Variants in SLC16A12 observed in about 807,000 individuals in gnomAD.
The protein encoded by SLC16A12 is solute carrier family 16 member 12, also known as monocarboxylate transporter 12.
Under a neutral mutation model 42.4 loss-of-function variants are expected in SLC16A12, and 17 were observed. The ratio of observed to expected loss-of-function variants is 0.40; its 90% confidence interval spans 0.27 to 0.60. The LOEUF (loss-of-function observed/expected upper bound fraction) is 0.60. Ranked by LOEUF, SLC16A12 falls within the 20% of genes least tolerant of loss-of-function variation. SLC16A12 has a pLI of 0.42. For synonymous variants in SLC16A12, 224 were observed against 229.4 expected (o/e 0.98, Z 0.21); for missense variants, 544 against 623.0 (o/e 0.87, Z 1.35).
chr10:89,512,006 A>G (rs1225067814), intron 2 of SLC16A12, among the ~76,000 whole-genome samples: 1 of 152,234 alleles, frequency 6.6e-6, no homozygotes, highest in Non-Finnish European at 1.5e-5. Context: ...ATACTACACA[A>G]TAAATGAAGC....
chr10:89,534,669 AAATCC>A (rs1843621413), intron 1 of SLC16A12, 29 bp from the exon 2 acceptor site: 2 of 148,068 alleles, frequency 1.4e-5, no homozygotes, highest in African/African-American at 2.5e-5. Flanking sequence ...AAAAAAAAAA[AAATCC>A]AAAAATTAGC....
chr10:89,462,758 C>A (rs960914366), intron 2 of SLC16A12, 134 bp from the exon 3 acceptor site: 2 of 1,001,828 alleles, frequency 2.0e-6, no homozygotes, highest in Non-Finnish European at 2.8e-6. Context: ...TAGACTGGGG[C>A]AGACTATTTG....
At chr10:89,484,969 A>G (rs1842724511) in intron 2 of SLC16A12, among the ~76,000 whole-genome samples, 1 of 152,182 alleles carries the variant, frequency 6.6e-6, no homozygotes, top group South Asian at 2.1e-4. Context: ...CAAAGACCGA[A>G]TCAAATTCTG....
At chr10:89,453,438 A>G (rs1842127700) in intron 3 of SLC16A12, among the ~76,000 whole-genome samples, 1 of 152,246 alleles carries the variant, frequency 6.6e-6, no homozygotes, top group Non-Finnish European at 1.5e-5. Context: ...ATTTTGATCA[A>G]CAATAGACTA....
At chr10:89,480,371 CT>C (rs1842645088) in intron 2 of SLC16A12, among the ~76,000 whole-genome samples, 9 of 152,280 alleles carry the variant, frequency 5.9e-5, no homozygotes, top group Admixed American at 5.9e-4. Flanking sequence ...TGAATATTTC[CT>C]TTTAAAGGGG....
chr10:89,525,448 A>G (rs1015216049), intron 2 of SLC16A12, among the ~76,000 whole-genome samples: 4 of 152,154 alleles, frequency 2.6e-5, no homozygotes, highest in African/African-American at 7.2e-5. Flanking sequence ...TCTAAATTTG[A>G]TCTTTTTTTG....
At chr10:89,441,921 G>T (rs1225848268) in intron 4 of SLC16A12, among the ~76,000 whole-genome samples, 1 of 152,208 alleles carries the variant, frequency 6.6e-6, no homozygotes, top group East Asian at 1.9e-4. Flanking sequence ...TGGAACTGAA[G>T]TTCAGGGGTA....
chr10:89,487,322 A>G (rs12262765), intron 2 of SLC16A12, among the ~76,000 whole-genome samples: 10,774 of 152,210 alleles, frequency 0.071, 994 homozygotes, highest in African/African-American at 0.21. Context: ...AATGGCTATT[A>G]CTAAAAAGTC....
upstream of SLC16A12, among the ~76,000 whole-genome samples, chr10:89,540,397 C>T (rs990026914): frequency 6.6e-6 from 1 of 152,180 alleles, no homozygotes; most frequent in Non-Finnish European, 1.5e-5. Context: ...CCATGCCCAG[C>T]CTAGAGTCCA....
chr10:89,439,694 A>G (rs975996669), intron 5 of SLC16A12, among the ~76,000 whole-genome samples: 3 of 152,178 alleles, frequency 2.0e-5, no homozygotes, highest in Non-Finnish European at 4.4e-5. Context: ...ATATGTGAAC[A>G]TAGCAATGTA....
chr10:89,477,522 C>A (rs1413080831), intron 2 of SLC16A12, among the ~76,000 whole-genome samples: 4 of 145,900 alleles, frequency 2.7e-5, no homozygotes, highest in Non-Finnish European at 5.9e-5. Flanking sequence ...CGAGATTGTG[C>A]CATTGCACTT....
At chr10:89,521,686 G>GA (rs1214991398) in intron 2 of SLC16A12, among the ~76,000 whole-genome samples, 2 of 152,130 alleles carry the variant, frequency 1.3e-5, no homozygotes, top group Non-Finnish European at 2.9e-5. Flanking sequence ...ACATTACAAG[G>GA]AAAAATGAAA....
intron 2 of SLC16A12, among the ~76,000 whole-genome samples, chr10:89,543,015 G>C (rs1225035565): frequency 6.6e-6 from 1 of 152,060 alleles, no homozygotes; most frequent in Non-Finnish European, 1.5e-5. Flanking sequence ...CTTCCTTTCT[G>C]TCTTCTGCCT....
chr10:89,510,027 C>G (rs1184144028), intron 2 of SLC16A12, among the ~76,000 whole-genome samples: 1 of 152,146 alleles, frequency 6.6e-6, no homozygotes, highest in Non-Finnish European at 1.5e-5. Context: ...ATCCAACTAA[C>G]AAGGGGTGTG....
chr10:89,430,610 T>C lies in SLC16A12; in HGVS notation c.*2454A>G, dbSNP rs1394291213. The stretch of plus-strand genomic sequence containing the variant: ...ACACATGGAACATTAACACTAAAAT[T>C]CTGTGTAGAAATGTAAAATAGTAGA... On this transcript the variant is annotated 3_prime_UTR_variant, in exon 8 of 8. Coordinates refer to ENST00000371790, the MANE Select transcript of SLC16A12 (RefSeq NM_213606.4). 2.2e-6 allele frequency: 1 copy of C among 460,358 alleles called. No homozygotes were observed. Among genetic ancestry groups the C allele is most frequent in the Non-Finnish European group, 4.5e-6 (1 of 224,716 alleles). 28.5% of individuals were successfully genotyped at this position (460,358 alleles called of 1,614,324 possible).
rs149584617 is a variant in SLC16A12, at chr10:89,466,966, G to A, written c.-46-4342C>T. On this transcript the variant is annotated intron_variant, in intron 2 of 7. Coordinates refer to ENST00000371790, the MANE Select transcript of SLC16A12 (RefSeq NM_213606.4). ...TCTTTCTCTCAATTCCAATAGAACC[G>A]GCATTCAAGAGTCTACCTACACCTG... Among the ~76,000 whole-genome samples, 14 of 152,158 alleles carry A rather than the reference G, an allele frequency of 9.2e-5. No homozygotes were observed. The East Asian group carries it at 1.5e-3, about 17-fold the overall frequency.
chr10:89,480,593 A>T (rs1055795094), intron 2 of SLC16A12, among the ~76,000 whole-genome samples: 1 of 152,242 alleles, frequency 6.6e-6, no homozygotes, highest in Non-Finnish European at 1.5e-5. Context: ...GTACAAAAAA[A>T]TGCTTAACTA....
At chr10:89,520,309 A>T (rs7073238) in intron 2 of SLC16A12, among the ~76,000 whole-genome samples, 60,780 of 151,804 alleles carry the variant, frequency 0.4, 13,878 homozygotes, top group African/African-American at 0.63. Flanking sequence ...ATGGAAAAAG[A>T]TCATCTCACA....
chr10:89,448,852 A>G (rs994821403), intron 3 of SLC16A12, among the ~76,000 whole-genome samples: 4 of 152,230 alleles, frequency 2.6e-5, no homozygotes, highest in African/African-American at 9.6e-5. Context: ...GTATATTTAG[A>G]AAACCCCATC....
Sources: gnomAD v4.1 joint callset for allele counts (sites outside exome capture counted in the v4.1 genomes callset) on GRCh38, gnomAD v4.1.1 for gene constraint, MANE v1.5 for transcripts, NCBI Gene and HGNC (gene_info 2026-07-23, HGNC 2026-07-21) for gene names.